The following CSNK1G1 variants were observed in gnomAD, a reference collection of about 807,000 sequenced individuals.
CSNK1G1 encodes the protein casein kinase 1 gamma 1, also known as casein kinase I isoform gamma-1.
CSNK1G1 carries 22 observed loss-of-function variants against 59.6 expected under a neutral mutation model. That is an observed-to-expected ratio of 0.37 (90% confidence interval 0.26 to 0.53). The LOEUF is 0.53. CSNK1G1 is among the 20% of genes least tolerant of loss of function. The pLI is 0.89. For synonymous variants in CSNK1G1, 179 were observed against 177.1 expected, an observed-to-expected ratio of 1.01 and a Z score of -0.08; for missense variants, 384 against 519.5, an observed-to-expected ratio of 0.74 and a Z score of 2.54.
At position 64,184,175 on chromosome 15, in the gene CSNK1G1, C is replaced by T. The variant is rs181446689; in HGVS notation, c.1108-3721G>A. On this transcript the variant is annotated intron_variant, in intron 10 of 11. Transcript: ENST00000303052. The stretch of plus-strand genomic sequence containing the variant: ...AAAATTAGCCGGGCATGGTGGCACA[C>T]GTCTGTAGTCCCAGCTACTCGGGAG... Among the ~76,000 whole-genome samples, 356 of 151,982 alleles carry T rather than the reference C, an allele frequency of 2.3e-3. 12 individuals carry two copies. The East Asian group carries it at 0.059, about 25-fold the overall frequency.
chr15:64,213,314 C>A (rs1567376451), intron 6 of CSNK1G1, among the ~76,000 whole-genome samples: 1 of 152,166 alleles, frequency 6.6e-6, no homozygotes, highest in Non-Finnish European at 1.5e-5. Context: ...TACTCTCCCC[C>A]TTGGGCTAGT....
chr15:64,292,721 G>C (rs921659057), intron 2 of CSNK1G1, among the ~76,000 whole-genome samples: 2 of 152,006 alleles, frequency 1.3e-5, no homozygotes, highest in African/African-American at 4.8e-5. Context: ...TTAGGAGATA[G>C]AGACCATCCT....
chr15:64,309,351 CAA>C (rs750535586), intron 1 of CSNK1G1, among the ~76,000 whole-genome samples: 4,921 of 131,174 alleles, frequency 0.038, 91 homozygotes, highest in South Asian at 0.069. Flanking sequence ...CACACACACA[CAA>C]ATAAATGAGT....
intron 1 of CSNK1G1, among the ~76,000 whole-genome samples, chr15:64,322,162 G>A (rs1442926222): frequency 3.3e-5 from 5 of 152,008 alleles, no homozygotes; most frequent in Non-Finnish European, 5.9e-5. Context: ...CTCTCATGGA[G>A]CATAAAGTCT....
chr15:64,276,607 A>C (rs926148199), intron 2 of CSNK1G1, among the ~76,000 whole-genome samples: 1 of 152,170 alleles, frequency 6.6e-6, no homozygotes, highest in Non-Finnish European at 1.5e-5. Flanking sequence ...GAGATATTTC[A>C]GCCACCCAGG....
intron 2 of CSNK1G1, among the ~76,000 whole-genome samples, chr15:64,268,097 C>T (rs1196627248): frequency 6.6e-6 from 1 of 152,080 alleles, no homozygotes; most frequent in Non-Finnish European, 1.5e-5. Context: ...CCTAAGTGTA[C>T]ATCAATAGAT....
chr15:64,215,641 C>T (rs1466933419), intron 5 of CSNK1G1, among the ~76,000 whole-genome samples: 2 of 152,160 alleles, frequency 1.3e-5, no homozygotes, highest in African/African-American at 4.8e-5. Flanking sequence ...CCATTTTAAA[C>T]AAATGAAGAT....
At chr15:64,282,712 C>T (rs527996203) in intron 2 of CSNK1G1, among the ~76,000 whole-genome samples, 1 of 152,234 alleles carries the variant, frequency 6.6e-6, no homozygotes, top group African/African-American at 2.4e-5. Flanking sequence ...TGGGGTGCTG[C>T]CACTTTTTGA....
intron 2 of CSNK1G1, among the ~76,000 whole-genome samples, chr15:64,292,638 T>C (rs1295966774): frequency 2.0e-5 from 3 of 152,060 alleles, no homozygotes; most frequent in African/African-American, 2.4e-5. Flanking sequence ...GAAAGAAATA[T>C]CACCAGCCAG....
At chr15:64,190,097 G>A (rs2081951360) in intron 10 of CSNK1G1, among the ~76,000 whole-genome samples, 1 of 152,146 alleles carries the variant, frequency 6.6e-6, no homozygotes, top group Non-Finnish European at 1.5e-5. Flanking sequence ...TGGGATTACA[G>A]GCGTGAGCCA....
chr15:64,195,324 G>A (rs2082024806), intron 10 of CSNK1G1, among the ~76,000 whole-genome samples: 1 of 152,128 alleles, frequency 6.6e-6, no homozygotes, highest in Non-Finnish European at 1.5e-5. Context: ...TAGTTACTAA[G>A]TAGCCCTTCT....
At position 64,200,237 on chromosome 15, in the gene CSNK1G1, CA is replaced by C. The variant is rs1185431279; in HGVS notation, c.1107+2844del. Among the ~76,000 whole-genome samples the C allele has an allele frequency of 3.2e-4, 45 of 139,840 alleles. No homozygotes were observed. The highest frequency in any genetic ancestry group is 4.3e-4 in the Admixed American group (6 of 14,000). The allele number at this position is 139,840 out of a possible 152,430, so 91.7% of individuals were successfully genotyped here. A position where few individuals can be genotyped will look rare whatever the true frequency, so the allele number is the denominator to read the frequency against. ...TGGTGATAAGAGCTAAACTCTGTCT[CA>C]AAAAAAAAAAGAGACACAAGGATAT... On this transcript the variant is annotated intron_variant, in intron 10 of 11. Transcript: ENST00000303052. The surrounding 1 kb of genome is among the most constrained non-coding windows in gnomAD (Gnocchi z 4.3).
chr15:64,247,253 G>C (rs1484578636), intron 4 of CSNK1G1, among the ~76,000 whole-genome samples: 2 of 151,928 alleles, frequency 1.3e-5, no homozygotes, highest in African/African-American at 4.8e-5. Flanking sequence ...CCCATAAAAA[G>C]AAAAGAAATT....
chr15:64,227,087 A>G (rs1404170456), intron 4 of CSNK1G1, among the ~76,000 whole-genome samples: 2 of 152,270 alleles, frequency 1.3e-5, no homozygotes, highest in Non-Finnish European at 2.9e-5. Context: ...ATTAATAACT[A>G]CAACTCAGTG....
rs149079763 is a variant in CSNK1G1 at position 64,317,511 on chromosome 15, T to A, written c.-224-16788A>T. The stretch of plus-strand genomic sequence containing the variant: ...TTATCAAATACTTTTTTTGTATCCA[T>A]CAAAGTGATAAGGTTTCTCTTTTTT... On this transcript the variant is annotated intron_variant, in intron 1 of 11. Coordinates refer to ENST00000303052, the MANE Select transcript of CSNK1G1 (RefSeq NM_022048.5). Among the ~76,000 whole-genome samples the A allele has an allele frequency of 4.4e-3, 654 of 148,762 alleles. 9 individuals are homozygous for A. Among genetic ancestry groups the A allele is most frequent in the African/African-American group, 0.015 (620 of 40,838 alleles).
intron 2 of CSNK1G1, among the ~76,000 whole-genome samples, chr15:64,288,213 A>AAC (rs1239877503): frequency 6.6e-6 from 1 of 152,190 alleles, no homozygotes. Context: ...GAAATACAGT[A>AAC]ACAGTGCTCT....
chr15:64,170,739 G>A lies in CSNK1G1; in HGVS notation c.*1192C>T, dbSNP rs772432389. On this transcript the variant is annotated 3_prime_UTR_variant, in exon 12 of 12. Transcript: ENST00000303052. ...AGGACGTCACATGGCTATCTAGTTGGAAGTCCCTGGCAGCATGGGAAACAA... is the reference window on the plus strand; with the variant it reads ...AGGACGTCACATGGCTATCTAGTTGAAAGTCCCTGGCAGCATGGGAAACAA... 6 of 152,574 alleles carry A rather than the reference G, an allele frequency of 3.9e-5. No homozygotes were observed. The highest frequency in any genetic ancestry group is 6.5e-5 in the Admixed American group (1 of 15,278). 9.5% of individuals were successfully genotyped at this position (152,574 alleles called of 1,614,324 possible).
At chr15:64,189,039 T>C (rs951377525) in intron 10 of CSNK1G1, among the ~76,000 whole-genome samples, 1 of 152,020 alleles carries the variant, frequency 6.6e-6, no homozygotes, top group Non-Finnish European at 1.5e-5. Flanking sequence ...AGCAGGAGAA[T>C]TGCTTAAACC....
chr15:64,314,074 T>C (rs1596263795), intron 1 of CSNK1G1, among the ~76,000 whole-genome samples: 1 of 152,208 alleles, frequency 6.6e-6, no homozygotes, highest in East Asian at 1.9e-4. Context: ...TCTGCTAAAC[T>C]AAGGATTACG....
Sources: gnomAD v4.1 joint callset for allele counts (sites outside exome capture counted in the v4.1 genomes callset) on GRCh38, gnomAD v4.1.1 for gene constraint, Gnocchi (gnomAD v3.1) non-coding constraint, MANE v1.5 for transcripts, NCBI Gene and HGNC (gene_info 2026-07-23, HGNC 2026-07-21) for gene names.